ATP2A2: variants seen among roughly 807,000 people sequenced by gnomAD.
The protein encoded by ATP2A2 is ATPase sarcoplasmic/endoplasmic reticulum Ca2+ transporting 2, also known as sarcoplasmic/endoplasmic reticulum calcium ATPase 2.
In ATP2A2, 14 loss-of-function variants were observed where a neutral mutation model predicts 109.3. The observed-to-expected ratio is 0.13, with a 90% CI of 0.08 to 0.20. ATP2A2 has a LOEUF of 0.20. Among genes scored for constraint, ATP2A2 ranks in the 10% least tolerant of loss-of-function variants. ATP2A2 has a pLI of 1.00. For synonymous variants in ATP2A2, 506 were observed against 490.9 expected, an observed-to-expected ratio of 1.03 and a Z score of -0.41; for missense variants, 657 against 1,321.6, an observed-to-expected ratio of 0.50 and a Z score of 7.80.
Position 110,349,929 on chromosome 12 carries a change from G to A in ATP2A2, c.*3459G>A. The A allele has an allele frequency of 8.6e-7, 1 of 1,157,920 alleles. No individual in the cohort carries two copies. The highest frequency in any genetic ancestry group is 1.1e-6 in the Non-Finnish European group (1 of 933,220). 71.7% of individuals were successfully genotyped at this position (1,157,920 alleles called of 1,614,324 possible). On this transcript the variant is annotated 3_prime_UTR_variant, in exon 20 of 20. Coordinates refer to ENST00000539276, the MANE Select transcript of ATP2A2 (RefSeq NM_170665.4). ...CAGGAAGGCTGTGCTGCTACTGGCT[G>A]CTCACTTCTCCATCAACCTCACCCT...
chr12:110,297,561 A>T lies in ATP2A2; in HGVS notation c.463+824A>T, dbSNP rs189315438. Among the ~76,000 whole-genome samples, 105 of 152,086 alleles carry T rather than the reference A, an allele frequency of 6.9e-4. 1 individual carries two copies. Among genetic ancestry groups the T allele is most frequent in the Middle Eastern group, 6.8e-3 (2 of 294 alleles). On this transcript the variant is annotated intron_variant, in intron 5 of 19. Transcript: ENST00000539276. ...ATCCACTGTGAGTCCAGAATGCTCCACAGACCTCCAAGGGTCAGTATCCTC... is the reference window on the plus strand; with the variant it reads ...ATCCACTGTGAGTCCAGAATGCTCCTCAGACCTCCAAGGGTCAGTATCCTC...
In ATP2A2 at chr12:110,327,263, G is replaced by A. The variant is rs1877901979; in HGVS notation, c.631-290G>A. 6.6e-6 allele frequency among the ~76,000 whole-genome samples: 1 copy of A among 152,176 alleles called. No individual in the cohort carries two copies. The highest frequency in any genetic ancestry group is 1.5e-5 in the Non-Finnish European group (1 of 68,028). ...GAATGCTTAGAGTTGAACTATATGA[G>A]TTTGAAAAATTGGGAACACAGAGGG... On this transcript the variant is annotated intron_variant, in intron 7 of 19. Transcript: ENST00000539276. The surrounding 1 kb of genome is among the most constrained non-coding windows in gnomAD (Gnocchi z 4.4).
At chr12:110,328,154 TA>T in intron 8 of ATP2A2, 137 bp downstream of exon 8, 1 of 893,006 alleles carries the variant, frequency 1.1e-6, no homozygotes, top group East Asian at 2.6e-5. Flanking sequence ...GCTTAATTTC[TA>T]ATATTTGAGA....
chr12:110,309,173 T>TG (rs1875722107), intron 5 of ATP2A2, among the ~76,000 whole-genome samples: 2 of 133,396 alleles, frequency 1.5e-5, no homozygotes, highest in Non-Finnish European at 3.2e-5. Context: ...TTTTTTTTTT[T>TG]TTGAGATGGA....
At position 110,338,758 on chromosome 12, in the gene ATP2A2, T is replaced by C. The variant is rs149272582; in HGVS notation, c.1420-523T>C. Among the ~76,000 whole-genome samples the C allele has an allele frequency of 3.8e-3, 584 of 152,334 alleles. 3 individuals carry two copies. The highest frequency in any genetic ancestry group is 0.012 in the African/African-American group (488 of 41,572). ...TTGAGACCCTCCGTTGTCTTCTGTT[T>C]TACTTGTCTTAAAAGCCAAATGCCC... is the stretch of plus-strand genomic sequence containing the variant. On this transcript the variant is annotated intron_variant, in intron 11 of 19. Transcript: ENST00000539276.
At chr12:110,306,802 A>C (rs1430077361) in intron 5 of ATP2A2, among the ~76,000 whole-genome samples, 2 of 152,084 alleles carry the variant, frequency 1.3e-5, no homozygotes, top group East Asian at 3.9e-4. Context: ...ATTTTGGCTC[A>C]GTGCAACCTC....
chr12:110,310,353 T>A (rs1435834222), intron 5 of ATP2A2, among the ~76,000 whole-genome samples: 1 of 152,116 alleles, frequency 6.6e-6, no homozygotes, highest in Non-Finnish European at 1.5e-5. Flanking sequence ...CTCAAACTCC[T>A]GGGCTCAAGG....
At chr12:110,293,771 G>A (rs1368934921) in intron 4 of ATP2A2, among the ~76,000 whole-genome samples, 1 of 149,380 alleles carries the variant, frequency 6.7e-6, no homozygotes, top group Non-Finnish European at 1.5e-5. Flanking sequence ...CGATCTTTAT[G>A]TGGTAGGTTC....
chr12:110,282,271 G>A (rs1449851786), intron 1 of ATP2A2, among the ~76,000 whole-genome samples: 1 of 152,208 alleles, frequency 6.6e-6, no homozygotes, highest in African/African-American at 2.4e-5. Flanking sequence ...GAAGGCCTCT[G>A]ACCGTTCTTG....
At position 110,294,343 on chromosome 12, in the gene ATP2A2, T is replaced by G. The variant is rs1003707729; in HGVS notation, c.324+2219T>G. 1.1e-4 allele frequency among the ~76,000 whole-genome samples: 16 copies of G among 151,656 alleles called. No homozygotes were observed. In the East Asian group the frequency reaches 1.2e-3, roughly 11 times the overall value. ...CAAGTGTGAGCCACTGTGCCTGGCC[T>G]TCTTCTTATGTTTTTCTCAAAAAAA... On this transcript the variant is annotated intron_variant, in intron 4 of 19. Coordinates refer to ENST00000539276, the MANE Select transcript of ATP2A2 (RefSeq NM_170665.4).
chr12:110,344,130 C>G (rs1879616940), intron 16 of ATP2A2, among the ~76,000 whole-genome samples: 1 of 152,188 alleles, frequency 6.6e-6, no homozygotes, highest in Admixed American at 6.5e-5. Context: ...GTCTTGCCTT[C>G]TTCCTGCTTG....
intron 5 of ATP2A2, among the ~76,000 whole-genome samples, chr12:110,320,676 T>G (rs962500347): frequency 2.0e-5 from 3 of 152,238 alleles, no homozygotes; most frequent in African/African-American, 7.2e-5. Flanking sequence ...TCTCGTTGAT[T>G]CAGTCTGAAT....
chr12:110,339,024 CT>C lies in ATP2A2; in HGVS notation c.1420-254del, dbSNP rs1879108227. Among the ~76,000 whole-genome samples, 1 of 152,198 alleles carries C rather than the reference CT, an allele frequency of 6.6e-6. No individual in the cohort carries two copies. Among genetic ancestry groups the C allele is most frequent in the Non-Finnish European group, 1.5e-5 (1 of 68,026 alleles). On this transcript the variant is annotated intron_variant, in intron 11 of 19. Coordinates refer to ENST00000539276, the MANE Select transcript of ATP2A2 (RefSeq NM_170665.4). The surrounding 1 kb of genome is among the most constrained non-coding windows in gnomAD (Gnocchi z 4.4). ...TTCAAATGTCACCGCCTTCTGGCCA[CT>C]TTATGTAACAGTTCATATGTATGTA...
intron 5 of ATP2A2, among the ~76,000 whole-genome samples, chr12:110,305,753 T>C (rs1043279654): frequency 6.6e-6 from 1 of 152,334 alleles, no homozygotes; most frequent in Non-Finnish European, 1.5e-5. Context: ...GAGTTGCTTG[T>C]CAATTTCTGC....
rs140015491 is a variant in ATP2A2, at chr12:110,286,868, A to G, written c.219+4073A>G. On this transcript the variant is annotated intron_variant, in intron 3 of 19. Transcript: ENST00000539276. Reference sequence around the variant, plus strand: ...TTTTATGATACTAAGAGCTCTTCCTATTATCACAGTGTATAGATATCTGAG... The same window carrying G: ...TTTTATGATACTAAGAGCTCTTCCTGTTATCACAGTGTATAGATATCTGAG... Among the ~76,000 whole-genome samples, 1,054 of 152,208 alleles carry G rather than the reference A, an allele frequency of 6.9e-3. 1 individual carries two copies. The highest frequency in any genetic ancestry group is 9.5e-3 in the Non-Finnish European group (645 of 68,020).
At chr12:110,315,021 C>T (rs1419051122) in intron 5 of ATP2A2, among the ~76,000 whole-genome samples, 7 of 152,112 alleles carry the variant, frequency 4.6e-5, no homozygotes, top group Non-Finnish European at 7.4e-5. Context: ...CACCCGCCAC[C>T]ATGCCCGGCT....
At chr12:110,303,453 C>T (rs541865780) in intron 5 of ATP2A2, among the ~76,000 whole-genome samples, 6 of 152,190 alleles carry the variant, frequency 3.9e-5, no homozygotes, top group African/African-American at 1.4e-4. Context: ...GCTCTGTTGC[C>T]AGGCTGGAGT....
intron 5 of ATP2A2, among the ~76,000 whole-genome samples, chr12:110,297,935 A>AC (rs1296439053): frequency 6.6e-6 from 1 of 150,738 alleles, no homozygotes; most frequent in Non-Finnish European, 1.5e-5. Context: ...AAATCACAAC[A>AC]CCCCTGGGAC....
chr12:110,327,410 T>C lies in ATP2A2; in HGVS notation c.631-143T>C. The C allele has an allele frequency of 1.2e-6, 1 of 805,370 alleles. No individual in the cohort carries two copies. 49.9% of individuals were successfully genotyped at this position (805,370 alleles called of 1,614,324 possible). ...GGAGCATTGCTTGTTGTCACAGTTG[T>C]ATGGCTGGTTGCTTGAACAGTAGCC... is the stretch of plus-strand genomic sequence containing the variant. On this transcript the variant is annotated intron_variant, in intron 7 of 19. Transcript: ENST00000539276. The surrounding 1 kb of genome is among the most constrained non-coding windows in gnomAD (Gnocchi z 4.4).
Sources: allele counts gnomAD v4.1 joint callset (sites outside exome capture counted in the v4.1 genomes callset), GRCh38; gene constraint gnomAD v4.1.1; non-coding constraint Gnocchi (gnomAD v3.1); transcripts MANE v1.5; gene names NCBI Gene and HGNC (gene_info 2026-07-23, HGNC 2026-07-21).